PCDH9: variants seen among roughly 807,000 people sequenced by gnomAD.
The protein encoded by PCDH9 is protocadherin 9.
In PCDH9, 24 loss-of-function variants were observed where a neutral mutation model predicts 70.6. The observed-to-expected ratio is 0.34, with a 90% CI of 0.25 to 0.48. The LOEUF is 0.48. Among genes scored for constraint, PCDH9 ranks in the 20% least tolerant of loss-of-function variants. The pLI is 0.99. For synonymous variants in PCDH9, 562 were observed against 558.5 expected (o/e 1.01, Z -0.09); for missense variants, 1,281 against 1,503.6 (o/e 0.85, Z 2.45).
At chr13:67,076,907 T>C (rs930437428) in intron 2 of PCDH9, among the ~76,000 whole-genome samples, 1 of 152,188 alleles carries the variant, frequency 6.6e-6, no homozygotes, top group Non-Finnish European at 1.5e-5. Context: ...TGGCTAATAA[T>C]GGCAGGGAAG....
At chr13:66,593,706 A>G (rs2077065977) in intron 4 of PCDH9, among the ~76,000 whole-genome samples, 1 of 151,746 alleles carries the variant, frequency 6.6e-6, no homozygotes, top group African/African-American at 2.4e-5. Context: ...TTGAAGCAGG[A>G]AGGGGAAAAT....
chr13:67,104,402 G>A lies in PCDH9; in HGVS notation c.3036+121003C>T, dbSNP rs142874971. On this transcript the variant is annotated intron_variant, in intron 2 of 4. Transcript: ENST00000377865. ...GACAGGGGCTGTAATGACATTCCCC[G>A]CCCACCCAAGCCTTTGGAGTCATTT... Among the ~76,000 whole-genome samples, 9 of 152,140 alleles carry A rather than the reference G, an allele frequency of 5.9e-5. No homozygotes were observed. In the East Asian group the frequency reaches 1.4e-3, roughly 23 times the overall value.
intron 4 of PCDH9, among the ~76,000 whole-genome samples, chr13:66,498,953 G>T (rs1959159305): frequency 6.6e-6 from 1 of 151,278 alleles, no homozygotes; most frequent in African/African-American, 2.4e-5. Flanking sequence ...GTTCTCAAAT[G>T]TCACATGGCA....
At chr13:66,769,615 G>C (rs1395765143) in intron 3 of PCDH9, among the ~76,000 whole-genome samples, 2 of 151,946 alleles carry the variant, frequency 1.3e-5, no homozygotes, top group African/African-American at 4.8e-5. Context: ...TAGCTGCTTT[G>C]CAATTAGAAA....
intron 4 of PCDH9, among the ~76,000 whole-genome samples, chr13:66,331,233 G>T (rs1448689874): frequency 6.6e-6 from 1 of 152,016 alleles, no homozygotes; most frequent in East Asian, 1.9e-4. Context: ...AGACAAACAA[G>T]ACTCCATGGT....
At chr13:66,490,022 G>A (rs1959007307) in intron 4 of PCDH9, among the ~76,000 whole-genome samples, 1 of 152,140 alleles carries the variant, frequency 6.6e-6, no homozygotes. Context: ...GGGTACATGT[G>A]CACAACGTGC....
chr13:66,488,462 A>T (rs1461816437), intron 4 of PCDH9, among the ~76,000 whole-genome samples: 1 of 152,188 alleles, frequency 6.6e-6, no homozygotes, highest in African/African-American at 2.4e-5. Context: ...CAAACAACAT[A>T]TTATTTTTAA....
Position 66,785,927 on chromosome 13 carries a change from A to G in PCDH9, c.3138+117577T>C, listed in dbSNP as rs1001366827. Among the ~76,000 whole-genome samples, 2 of 152,336 alleles carry G rather than the reference A, an allele frequency of 1.3e-5. 1 individual carries two copies. The highest frequency in any genetic ancestry group is 1.3e-4 in the Admixed American group (2 of 15,294). On this transcript the variant is annotated intron_variant, in intron 3 of 4. Coordinates refer to ENST00000377865, the MANE Select transcript of PCDH9 (RefSeq NM_203487.3). ...AGTGTCCCATTTTTGAGTTTTAAAAATAATATTGATAGAAGTATAATACTG... is the reference window on the plus strand; with the variant it reads ...AGTGTCCCATTTTTGAGTTTTAAAAGTAATATTGATAGAAGTATAATACTG...
Position 66,366,548 on chromosome 13 carries a change from G to T in PCDH9, c.3341-61520C>A, listed in dbSNP as rs114082344. Among the ~76,000 whole-genome samples the T allele has an allele frequency of 3.9e-3, 598 of 151,980 alleles. 3 individuals are homozygous for T. The highest frequency in any genetic ancestry group is 0.014 in the African/African-American group (569 of 41,470). ...TTTCTTGTTTGTAAAATTGAACTATGAGACTTTTTAATATTGACTATTTTT... is the reference window on the plus strand; with the variant it reads ...TTTCTTGTTTGTAAAATTGAACTATTAGACTTTTTAATATTGACTATTTTT... On this transcript the variant is annotated intron_variant, in intron 4 of 4. Transcript: ENST00000377865.
At chr13:66,901,260 C>A (rs1470607744) in intron 3 of PCDH9, among the ~76,000 whole-genome samples, 2 of 151,558 alleles carry the variant, frequency 1.3e-5, no homozygotes, top group African/African-American at 4.8e-5. Flanking sequence ...TTAGACTAAC[C>A]AAGGACAAAA....
intron 2 of PCDH9, among the ~76,000 whole-genome samples, chr13:67,164,730 G>A (rs2088062619): frequency 6.6e-6 from 1 of 152,266 alleles, no homozygotes; most frequent in African/African-American, 2.4e-5. Context: ...TTTCATCTCA[G>A]GCCTTTGAGC....
At chr13:67,177,235 A>C (rs2088486488) in intron 2 of PCDH9, among the ~76,000 whole-genome samples, 1 of 152,032 alleles carries the variant, frequency 6.6e-6, no homozygotes, top group Non-Finnish European at 1.5e-5. Context: ...TTATTAAATA[A>C]TTCACATTTT....
In PCDH9 at chr13:67,090,999, T is replaced by G. The variant is rs150524457; in HGVS notation, c.3036+134406A>C. On this transcript the variant is annotated intron_variant, in intron 2 of 4. Coordinates refer to ENST00000377865, the MANE Select transcript of PCDH9 (RefSeq NM_203487.3). ...TAGAGAGACTGTAGATCTCAAAGTG[T>G]GTTATTATTTTTAGAACTTCACTGT... 4.5e-3 allele frequency among the ~76,000 whole-genome samples: 679 copies of G among 152,148 alleles called. 4 individuals are homozygous for G. The highest frequency in any genetic ancestry group is 5.6e-3 in the Non-Finnish European group (378 of 67,954).
At chr13:67,141,895 C>A (rs1369006809) in intron 2 of PCDH9, among the ~76,000 whole-genome samples, 1 of 152,080 alleles carries the variant, frequency 6.6e-6, no homozygotes, top group Non-Finnish European at 1.5e-5. Context: ...ATCCATTCTG[C>A]ATCAATAACT....
intron 3 of PCDH9, among the ~76,000 whole-genome samples, chr13:66,799,421 G>C (rs145127239): frequency 6.6e-6 from 1 of 152,176 alleles, no homozygotes; most frequent in Non-Finnish European, 1.5e-5. Flanking sequence ...TCTGCATTGA[G>C]AGACTGTCAC....
chr13:66,514,026 C>T (rs1959613249), intron 4 of PCDH9, among the ~76,000 whole-genome samples: 1 of 151,760 alleles, frequency 6.6e-6, no homozygotes, highest in Non-Finnish European at 1.5e-5. Flanking sequence ...GTTTTGTGAC[C>T]CCGAGTCCAC....
chr13:66,720,659 G>A (rs1301175174), intron 3 of PCDH9, among the ~76,000 whole-genome samples: 1 of 151,914 alleles, frequency 6.6e-6, no homozygotes, highest in East Asian at 1.9e-4. Context: ...AGATTTTAGG[G>A]GGCAAATCTG....
intron 3 of PCDH9, among the ~76,000 whole-genome samples, chr13:66,716,101 G>A (rs1025469252): frequency 2.6e-5 from 4 of 152,210 alleles, no homozygotes; most frequent in Non-Finnish European, 5.9e-5. Flanking sequence ...CAGAGTAGCT[G>A]TAAAGCATTC....
At chr13:66,446,684 A>G (rs943557106) in intron 4 of PCDH9, among the ~76,000 whole-genome samples, 1 of 152,072 alleles carries the variant, frequency 6.6e-6, no homozygotes, top group African/African-American at 2.4e-5. Flanking sequence ...TCATATGTTC[A>G]TATTACATGA....
Sources: allele counts gnomAD v4.1 joint callset (sites outside exome capture counted in the v4.1 genomes callset), GRCh38; gene constraint gnomAD v4.1.1; transcripts MANE v1.5; gene names NCBI Gene and HGNC (gene_info 2026-07-23, HGNC 2026-07-21).